Variants in GRIK4 observed in about 807,000 individuals in gnomAD.
GRIK4 encodes the protein glutamate receptor ionotropic, kainate 4.
A neutral mutation model predicts 104.9 loss-of-function variants in GRIK4; 40 were observed. The observed-to-expected ratio is 0.38, with a 90% CI of 0.30 to 0.50. The LOEUF (loss-of-function observed/expected upper bound fraction) is 0.50. GRIK4 is among the 20% of genes least tolerant of loss of function. GRIK4 has a pLI of 0.93. For synonymous variants in GRIK4, 485 were observed against 524.9 expected, an observed-to-expected ratio of 0.92 and a Z score of 1.04; for missense variants, 1,047 against 1,308.1, an observed-to-expected ratio of 0.80 and a Z score of 3.08.
At chr11:120,523,916 C>A (rs71484176) in intron 1 of GRIK4, among the ~76,000 whole-genome samples, 10,793 of 149,716 alleles carry the variant, frequency 0.072, 455 homozygotes, top group Middle Eastern at 0.092. Flanking sequence ...GGACTGTTTG[C>A]TTCTGCATTC....
chr11:120,970,807 C>T (rs897306761), intron 19 of GRIK4, among the ~76,000 whole-genome samples: 1 of 152,100 alleles, frequency 6.6e-6, no homozygotes, highest in Non-Finnish European at 1.5e-5. Flanking sequence ...AAATGTTTAC[C>T]CTCCTGCGTA....
At chr11:120,899,446 G>A (rs11218050) in intron 12 of GRIK4, among the ~76,000 whole-genome samples, 26,966 of 147,976 alleles carry the variant, frequency 0.18, 2,837 homozygotes, top group East Asian at 0.44. Context: ...AAAAAATACA[G>A]GGCAAGAGAC....
At chr11:120,765,671 A>C (rs531807821) in intron 3 of GRIK4, among the ~76,000 whole-genome samples, 26 of 151,720 alleles carry the variant, frequency 1.7e-4, no homozygotes, top group Non-Finnish European at 3.4e-4. Context: ...GTTGATGTTG[A>C]TGTTGTTGCT....
intron 9 of GRIK4, among the ~76,000 whole-genome samples, chr11:120,863,999 C>T (rs1954327803): frequency 6.6e-6 from 1 of 151,886 alleles, no homozygotes; most frequent in African/African-American, 2.4e-5. Flanking sequence ...ATATTTTAGA[C>T]CTAAAAGAGG....
chr11:120,833,211 C>T (rs1485714092), intron 7 of GRIK4, among the ~76,000 whole-genome samples: 1 of 152,086 alleles, frequency 6.6e-6, no homozygotes, highest in East Asian at 1.9e-4. Flanking sequence ...TTCCAGAGCT[C>T]CAAAGCCATG....
At chr11:120,985,199 T>G (rs1244404239) in intron 20 of GRIK4, among the ~76,000 whole-genome samples, 1 of 152,212 alleles carries the variant, frequency 6.6e-6, no homozygotes, top group Non-Finnish European at 1.5e-5. Flanking sequence ...CTTGTAAGTT[T>G]GATGCAAATG....
rs180768843 is a variant in GRIK4 at position 120,798,268 on chromosome 11, C to G, written c.83-4425C>G. On this transcript the variant is annotated intron_variant, in intron 3 of 20. Coordinates refer to ENST00000527524, the MANE Select transcript of GRIK4 (RefSeq NM_014619.5). ...ACTGCAACCTCTGCCTTCTGGTTTT[C>G]CTGCCTTAGTCTCCCGAGTAGCTGG... 1.9e-3 allele frequency among the ~76,000 whole-genome samples: 252 copies of G among 129,696 alleles called. 1 individual carries two copies. Among genetic ancestry groups the G allele is most frequent in the Middle Eastern group, 7.4e-3 (1 of 136 alleles). The allele number at this position is 129,696 out of a possible 152,430, so 85.1% of individuals were successfully genotyped here. A position where few individuals can be genotyped will look rare whatever the true frequency, so the allele number is the denominator to read the frequency against.
intron 14 of GRIK4, among the ~76,000 whole-genome samples, chr11:120,946,097 C>CTGTGTG (rs1187817614): frequency 2.6e-5 from 4 of 152,176 alleles, no homozygotes; most frequent in African/African-American, 7.2e-5. Flanking sequence ...TTTGAGCTCT[C>CTGTGTG]AAATATCTGT....
intron 3 of GRIK4, among the ~76,000 whole-genome samples, chr11:120,691,153 T>C (rs1950354501): frequency 6.6e-6 from 1 of 152,192 alleles, no homozygotes; most frequent in African/African-American, 2.4e-5. Context: ...CTGTTGCATG[T>C]TTCTCATTTT....
chr11:120,585,725 G>GTT lies in GRIK4; in HGVS notation c.-158-67949_-158-67948dup, dbSNP rs5795236. Among the ~76,000 whole-genome samples, 339 of 141,862 alleles carry GTT rather than the reference G, an allele frequency of 2.4e-3. 1 individual carries two copies. The highest frequency in any genetic ancestry group is 0.013 in the Admixed American group (185 of 14,464). The allele number at this position is 141,862 out of a possible 152,430, so 93.1% of individuals were successfully genotyped here. ...GGATTAAAGTTCTTTTTTTGTTTTT[G>GTT]TTTTTTTTTTTTGCAAATGGGTATC... On this transcript the variant is annotated intron_variant, in intron 1 of 20. Transcript: ENST00000527524.
intron 3 of GRIK4, among the ~76,000 whole-genome samples, chr11:120,662,646 C>A (rs1370725402): frequency 1.3e-5 from 2 of 152,052 alleles, no homozygotes; most frequent in East Asian, 3.9e-4. Context: ...GTGCTGGGGT[C>A]TCTGGGGTCC....
intron 2 of GRIK4, among the ~76,000 whole-genome samples, chr11:120,659,450 T>A (rs1285303909): frequency 1.3e-5 from 2 of 152,216 alleles, no homozygotes; most frequent in Non-Finnish European, 2.9e-5. Context: ...CTGAGCATGG[T>A]GGCTTCTCCG....
chr11:120,603,464 C>A (rs1025114859), intron 1 of GRIK4, among the ~76,000 whole-genome samples: 2 of 152,168 alleles, frequency 1.3e-5, no homozygotes, highest in African/African-American at 4.8e-5. Context: ...TTTTTCAGAG[C>A]CAGTTTACCT....
chr11:120,747,588 G>C (rs1180837200), intron 3 of GRIK4, among the ~76,000 whole-genome samples: 1 of 152,210 alleles, frequency 6.6e-6, no homozygotes, highest in Non-Finnish European at 1.5e-5. Flanking sequence ...AATTACTTTG[G>C]AGGTCTTCAG....
intron 1 of GRIK4, among the ~76,000 whole-genome samples, chr11:120,604,880 T>G (rs1418206675): frequency 6.6e-6 from 1 of 152,208 alleles, no homozygotes; most frequent in Non-Finnish European, 1.5e-5. Flanking sequence ...TATATGTATT[T>G]GAGACAGGGT....
At chr11:120,534,398 G>A (rs533263621) in intron 1 of GRIK4, among the ~76,000 whole-genome samples, 1 of 152,232 alleles carries the variant, frequency 6.6e-6, no homozygotes, top group South Asian at 2.1e-4. Context: ...TGGTGGGGCT[G>A]GGGATTTTGA....
chr11:120,623,496 T>C (rs966020501), intron 1 of GRIK4, among the ~76,000 whole-genome samples: 4 of 152,184 alleles, frequency 2.6e-5, no homozygotes, highest in Non-Finnish European at 5.9e-5. Flanking sequence ...TGACACAAGA[T>C]GTCACAGGCT....
intron 3 of GRIK4, among the ~76,000 whole-genome samples, chr11:120,792,132 G>A (rs1952406674): frequency 6.6e-6 from 1 of 152,176 alleles, no homozygotes; most frequent in Non-Finnish European, 1.5e-5. Flanking sequence ...GTTCAGGGAA[G>A]GCTTCCTGAA....
chr11:120,718,905 G>C (rs1950884472), intron 3 of GRIK4, among the ~76,000 whole-genome samples: 1 of 152,226 alleles, frequency 6.6e-6, no homozygotes, highest in Non-Finnish European at 1.5e-5. Flanking sequence ...GACTGGCTAA[G>C]CCCTGTTTTT....
Sources: gnomAD v4.1 joint callset for allele counts (sites outside exome capture counted in the v4.1 genomes callset) on GRCh38, gnomAD v4.1.1 for gene constraint, MANE v1.5 for transcripts, NCBI Gene and HGNC (gene_info 2026-07-23, HGNC 2026-07-21) for gene names.